RAPGEF4: variants seen among roughly 807,000 people sequenced by gnomAD.
RAPGEF4 encodes the protein RAP guanine-nucleotide-exchange factor (GEF) 4.
A neutral mutation model predicts 147.9 loss-of-function variants in RAPGEF4; 66 were observed. The observed-to-expected ratio is 0.45, with a 90% confidence interval of 0.37 to 0.55. The LOEUF (loss-of-function observed/expected upper bound fraction) is 0.55, where lower values mean the gene tolerates loss of function less well. RAPGEF4 is among the 20% of genes least tolerant of loss of function. The probability of loss-of-function intolerance (pLI) is 0.00; values close to 1 mark genes in which losing one functional copy is unlikely to be tolerated. For synonymous variants in RAPGEF4, 419 were observed against 442.7 expected (o/e 0.95, Z 0.67); for missense variants, 1,071 against 1,257.3 (o/e 0.85, Z 2.24).
chr2:172,941,371 G>A lies in RAPGEF4; in HGVS notation c.537+19071G>A, dbSNP rs563869892. Among the ~76,000 whole-genome samples the A allele has an allele frequency of 6.1e-4, 92 of 152,060 alleles. 1 individual carries two copies. Among genetic ancestry groups the A allele is most frequent in the African/African-American group, 2.0e-3 (83 of 41,512 alleles). The stretch of plus-strand genomic sequence containing the variant: ...AAATAGTCCTTAATTCTGGTGCAGC[G>A]TCATTTATTTTAACCATTTGTATAA... On this transcript the variant is annotated intron_variant, in intron 6 of 30. Coordinates refer to ENST00000397081, the MANE Select transcript of RAPGEF4 (RefSeq NM_007023.4).
At chr2:172,817,963 T>C (rs1688677450) in intron 4 of RAPGEF4, among the ~76,000 whole-genome samples, 1 of 146,858 alleles carries the variant, frequency 6.8e-6, no homozygotes, top group Non-Finnish European at 1.5e-5. Flanking sequence ...ATATGAATTA[T>C]ATATATATAT....
intron 17 of RAPGEF4, among the ~76,000 whole-genome samples, chr2:173,010,156 A>G (rs1194869802): frequency 6.6e-6 from 1 of 152,220 alleles, no homozygotes; most frequent in East Asian, 1.9e-4. Flanking sequence ...GGGCTCTTGA[A>G]ACAGAGATCC....
chr2:172,744,898 A>G (rs1422188143), intron 1 of RAPGEF4, among the ~76,000 whole-genome samples: 6 of 152,208 alleles, frequency 3.9e-5, no homozygotes, highest in East Asian at 1.9e-4. Flanking sequence ...AATATAGTGA[A>G]TTTACATTGT....
chr2:172,748,697 C>A (rs1384874885), intron 1 of RAPGEF4, among the ~76,000 whole-genome samples: 1 of 152,190 alleles, frequency 6.6e-6, no homozygotes, highest in Non-Finnish European at 1.5e-5. Flanking sequence ...TCAATCATGC[C>A]TTCCCAACTG....
chr2:172,770,906 G>T (rs1405580495), intron 1 of RAPGEF4, among the ~76,000 whole-genome samples: 1 of 152,090 alleles, frequency 6.6e-6, no homozygotes. Context: ...AGTGTGCCAT[G>T]CAAATGTAAT....
At chr2:172,756,975 C>G (rs1252005443) in intron 1 of RAPGEF4, among the ~76,000 whole-genome samples, 1 of 152,188 alleles carries the variant, frequency 6.6e-6, no homozygotes, top group Non-Finnish European at 1.5e-5. Flanking sequence ...GACCATTTCC[C>G]AAGCATTTTG....
chr2:172,893,609 G>A (rs189561521), intron 4 of RAPGEF4, among the ~76,000 whole-genome samples: 4 of 152,236 alleles, frequency 2.6e-5, no homozygotes, highest in Admixed American at 6.5e-5. Flanking sequence ...TTTTGTTTTA[G>A]TTAGAGCCTC....
chr2:172,967,549 C>A (rs1202269252), intron 10 of RAPGEF4, 105 bp downstream of exon 10: 19 of 1,206,102 alleles, frequency 1.6e-5, no homozygotes, highest in Non-Finnish European at 2.1e-5. Context: ...CCTGGCCATC[C>A]CCCATGGAAC....
chr2:172,947,517 A>T (rs1475627884), intron 6 of RAPGEF4, among the ~76,000 whole-genome samples: 1 of 152,094 alleles, frequency 6.6e-6, no homozygotes, highest in Non-Finnish European at 1.5e-5. Flanking sequence ...CCCTCTGTGG[A>T]GGTCGGTGGT....
intron 1 of RAPGEF4, among the ~76,000 whole-genome samples, chr2:172,776,324 C>A (rs1419950180): frequency 1.3e-5 from 2 of 152,098 alleles, no homozygotes; most frequent in Non-Finnish European, 2.9e-5. Context: ...GTCACAGGGC[C>A]AGCCTAGATT....
chr2:172,871,669 C>A (rs567387315), intron 4 of RAPGEF4, among the ~76,000 whole-genome samples: 3 of 143,006 alleles, frequency 2.1e-5, no homozygotes. Flanking sequence ...AAAAGAGTTA[C>A]AACAGTATTT....
intron 1 of RAPGEF4, among the ~76,000 whole-genome samples, chr2:172,755,925 C>A (rs1267566181): frequency 6.6e-6 from 1 of 152,148 alleles, no homozygotes; most frequent in Non-Finnish European, 1.5e-5. Context: ...TATGTAATTT[C>A]ATCACTTGTA....
intron 6 of RAPGEF4, among the ~76,000 whole-genome samples, chr2:172,933,116 C>G (rs982668913): frequency 6.6e-6 from 1 of 152,064 alleles, no homozygotes; most frequent in Admixed American, 6.6e-5. Context: ...TATGCAAGCA[C>G]TGGGAAAACT....
intron 12 of RAPGEF4, among the ~76,000 whole-genome samples, chr2:172,987,164 G>A (rs1692349784): frequency 6.6e-6 from 1 of 152,060 alleles, no homozygotes; most frequent in South Asian, 2.1e-4. Flanking sequence ...TAGCAAGGTG[G>A]ATTGGTGCAT....
intron 17 of RAPGEF4, among the ~76,000 whole-genome samples, chr2:173,005,280 C>G (rs994991062): frequency 6.6e-6 from 1 of 152,042 alleles, no homozygotes; most frequent in African/African-American, 2.4e-5. Flanking sequence ...AATTACTCTC[C>G]TATTGTCTCA....
At chr2:172,759,989 T>A (rs951870817) in intron 1 of RAPGEF4, among the ~76,000 whole-genome samples, 1 of 152,232 alleles carries the variant, frequency 6.6e-6, no homozygotes, top group African/African-American at 2.4e-5. Flanking sequence ...CTTTTCCTCA[T>A]GTATCCCAGG....
intron 4 of RAPGEF4, among the ~76,000 whole-genome samples, chr2:172,854,547 A>C (rs1258750063): frequency 1.3e-5 from 2 of 151,780 alleles, no homozygotes; most frequent in African/African-American, 4.8e-5. Context: ...TTTTAATTGG[A>C]GTGTTTAGTC....
intron 4 of RAPGEF4, among the ~76,000 whole-genome samples, chr2:172,890,791 T>C (rs1697813643): frequency 6.6e-6 from 1 of 152,184 alleles, no homozygotes; most frequent in African/African-American, 2.4e-5. Flanking sequence ...ATACATAATA[T>C]GTGGGAATTC....
chr2:173,000,746 C>CTTTTTTTTTTTTTTTTTT lies in RAPGEF4; in HGVS notation c.1580-517_1580-516insTTTTTTTTTTTTTTTTTT, dbSNP rs869055162. On this transcript the variant is annotated intron_variant, in intron 16 of 30. Coordinates refer to ENST00000397081, the MANE Select transcript of RAPGEF4 (RefSeq NM_007023.4). ...CTTGTTTTCTTTCTTTCTTTTCTTTCTTTCTTTTTTTTTTTTTTTTGCTGC... is the reference window on the plus strand; with the variant it reads ...CTTGTTTTCTTTCTTTCTTTTCTTTCTTTTTTTTTTTTTTTTTTTTTCTTTTTTTTTTTTTTTTGCTGC... Among the ~76,000 whole-genome samples, 3 of 72,796 alleles carry CTTTTTTTTTTTTTTTTTT rather than the reference C, an allele frequency of 4.1e-5. 1 individual carries two copies. The highest frequency in any genetic ancestry group is 9.9e-5 in the Non-Finnish European group (3 of 30,356). 47.8% of individuals were successfully genotyped at this position (72,796 alleles called of 152,430 possible). A position where few individuals can be genotyped will look rare whatever the true frequency, so the allele number is the denominator to read the frequency against.
Sources: gnomAD v4.1 joint callset for allele counts (sites outside exome capture counted in the v4.1 genomes callset) on GRCh38, gnomAD v4.1.1 for gene constraint, MANE v1.5 for transcripts, NCBI Gene and HGNC (gene_info 2026-07-23, HGNC 2026-07-21) for gene names.